Variants in MAN1A1 observed in about 807,000 individuals in gnomAD.
The protein encoded by MAN1A1 is mannosidase alpha class 1A member 1, also known as mannosyl-oligosaccharide 1,2-alpha-mannosidase IA.
MAN1A1 carries 29 observed loss-of-function variants against 70.8 expected under a neutral mutation model. The observed-to-expected ratio is 0.41, with a 90% CI of 0.31 to 0.56. The LOEUF (loss-of-function observed/expected upper bound fraction) is 0.56. MAN1A1 is among the 20% of genes least tolerant of loss of function. MAN1A1 has a pLI of 0.29. For synonymous variants in MAN1A1, 349 were observed against 330.1 expected (o/e 1.06, Z -0.62); for missense variants, 747 against 841.3 (o/e 0.89, Z 1.39).
chr6:119,201,200 C>T, intron 8 of MAN1A1, 54 bp downstream of exon 8: 2 of 1,330,496 alleles, frequency 1.5e-6, no homozygotes, highest in Non-Finnish European at 2.2e-6. Flanking sequence ...CTTCCTCTCT[C>T]TCCACGAGTA....
At chr6:119,180,277 C>G in intron 12 of MAN1A1, 35 bp downstream of exon 12, 1 of 1,445,742 alleles carries the variant, frequency 6.9e-7, no homozygotes, top group East Asian at 2.3e-5. Flanking sequence ...GTTCAGGTAC[C>G]TTAGCCACAT....
At chr6:119,344,906 GAGA>G in intron 2 of MAN1A1, among the ~76,000 whole-genome samples, 1 of 152,226 alleles carries the variant, frequency 6.6e-6, no homozygotes, top group East Asian at 1.9e-4. Flanking sequence ...TTAGAACTGA[GAGA>G]AGAAAACTGT....
At chr6:119,180,452 A>G in intron 11 of MAN1A1, 25 bp from the exon 12 acceptor site, 1 of 1,241,792 alleles carries the variant, frequency 8.1e-7, no homozygotes, top group Non-Finnish European at 1.2e-6. Context: ...AGGAAAAAAA[A>G]AAGTCACATT....
intron 6 of MAN1A1, among the ~76,000 whole-genome samples, chr6:119,241,948 A>ATGTGTG (rs879398838): frequency 3.8e-5 from 1 of 26,328 alleles, no homozygotes; most frequent in African/African-American, 7.3e-5. Flanking sequence ...GTGTGTATGT[A>ATGTGTG]TGTGTGTGTG....
chr6:119,232,371 T>TTA (rs1774706234), intron 6 of MAN1A1, among the ~76,000 whole-genome samples: 1 of 45,004 alleles, frequency 2.2e-5, no homozygotes, highest in Non-Finnish European at 4.8e-5. Context: ...AGACTCTGTC[T>TTA]CAAAAAAAAA....
At chr6:119,232,146 GCGGATCA>G (rs1362514504) in intron 6 of MAN1A1, among the ~76,000 whole-genome samples, 9 of 151,994 alleles carry the variant, frequency 5.9e-5, no homozygotes, top group African/African-American at 2.2e-4. Flanking sequence ...GCCGAGGCAG[GCGGATCA>G]CGAGGTCAGG....
intron 3 of MAN1A1, among the ~76,000 whole-genome samples, chr6:119,306,587 A>T (rs1420374240): frequency 6.6e-6 from 1 of 152,188 alleles, no homozygotes; most frequent in Non-Finnish European, 1.5e-5. Flanking sequence ...TATGCTAGGA[A>T]TCACCCCAGA....
chr6:119,330,756 C>G (rs1389884152), intron 2 of MAN1A1, among the ~76,000 whole-genome samples: 2 of 152,150 alleles, frequency 1.3e-5, no homozygotes, highest in Non-Finnish European at 2.9e-5. Context: ...ACATTCCATT[C>G]CTATCCTGCG....
At chr6:119,330,418 C>T (rs1288390703) in intron 2 of MAN1A1, among the ~76,000 whole-genome samples, 9 of 152,096 alleles carry the variant, frequency 5.9e-5, no homozygotes, top group Non-Finnish European at 1.0e-4. Flanking sequence ...TAAGTGCCCA[C>T]AAAGTTCTAT....
chr6:119,186,325 T>A (rs1307676121), intron 11 of MAN1A1, among the ~76,000 whole-genome samples: 1 of 152,156 alleles, frequency 6.6e-6, no homozygotes, highest in African/African-American at 2.4e-5. Flanking sequence ...TGTTTCAGTT[T>A]GCGTTCCCTT....
chr6:119,260,611 G>A (rs954600244), intron 5 of MAN1A1, among the ~76,000 whole-genome samples: 6 of 152,148 alleles, frequency 3.9e-5, no homozygotes, highest in Non-Finnish European at 8.8e-5. Flanking sequence ...GCTAATCCCT[G>A]AATTTTGCTA....
intron 2 of MAN1A1, among the ~76,000 whole-genome samples, chr6:119,329,245 A>G (rs1245745710): frequency 6.6e-6 from 1 of 152,222 alleles, no homozygotes; most frequent in Admixed American, 6.5e-5. Context: ...GTTTAAACTT[A>G]TTGGCTATGT....
At chr6:119,192,442 T>C (rs1032136545) in intron 9 of MAN1A1, among the ~76,000 whole-genome samples, 3 of 152,168 alleles carry the variant, frequency 2.0e-5, no homozygotes, top group African/African-American at 4.8e-5. Context: ...ACATGTGAAG[T>C]AGTGAAGACT....
chr6:119,188,533 C>G lies in MAN1A1; in HGVS notation c.1591G>C (p.Glu531Gln), dbSNP rs1255638150. 2 of 1,613,740 alleles carry G rather than the reference C, an allele frequency of 1.2e-6. No individual in the cohort carries two copies. Among genetic ancestry groups the G allele is most frequent in the African/African-American group, 1.3e-5 (1 of 74,894 alleles). ...TCATTTTGTCTTGTAGCGATGGCTT[C>G]AACACCACCATCAAATCTGAAAGCT... ...PEAFRFDGGVEAIATRQNEKY... is the reference protein window; with the variant it reads ...PEAFRFDGGVQAIATRQNEKY... Residue 531 changes from glutamate to glutamine, a missense_variant, in exon 11 of 13, where the codon GAA becomes CAA. By Grantham distance (29) the Glu-to-Gln change is conservative. Coordinates refer to ENST00000368468, the MANE Select transcript of MAN1A1 (RefSeq NM_005907.4).
chr6:119,252,724 G>A (rs1341377984), intron 5 of MAN1A1, among the ~76,000 whole-genome samples: 1 of 152,124 alleles, frequency 6.6e-6, no homozygotes, highest in Non-Finnish European at 1.5e-5. Context: ...CCCGGGAGGC[G>A]GCAGTTGCAG....
Position 119,260,536 on chromosome 6 carries a change from AAC to A in MAN1A1, c.898-12184_898-12183del, listed in dbSNP as rs1438228805. The stretch of plus-strand genomic sequence containing the variant: ...CATTCAATTCATTCACTCACTCACT[AAC>A]TATAGCTGTAGGGTCAAAGTAGCCA... On this transcript the variant is annotated intron_variant, in intron 5 of 12. Coordinates refer to ENST00000368468, the MANE Select transcript of MAN1A1 (RefSeq NM_005907.4). 5.9e-3 allele frequency among the ~76,000 whole-genome samples: 897 copies of A among 152,316 alleles called. 8 individuals carry two copies. Among genetic ancestry groups the A allele is most frequent in the African/African-American group, 0.021 (853 of 41,562 alleles).
intron 5 of MAN1A1, among the ~76,000 whole-genome samples, chr6:119,252,886 T>C (rs575770871): frequency 4.6e-5 from 7 of 152,134 alleles, no homozygotes; most frequent in African/African-American, 9.7e-5. Flanking sequence ...TAATGACCAA[T>C]TGAGACCAAC....
intron 4 of MAN1A1, among the ~76,000 whole-genome samples, chr6:119,294,780 A>G (rs1772152843): frequency 6.6e-6 from 1 of 152,126 alleles, no homozygotes. Flanking sequence ...AACCAGATTC[A>G]TCTAAATTGA....
intron 2 of MAN1A1, chr6:119,331,977 T>C (rs562916078): frequency 8.2e-5 from 42 of 509,764 alleles, no homozygotes; most frequent in Non-Finnish European, 1.5e-4. Flanking sequence ...CCTGGGCAAT[T>C]TGCTTGCCCC....
Sources: gnomAD v4.1 joint callset for allele counts (sites outside exome capture counted in the v4.1 genomes callset) on GRCh38, gnomAD v4.1.1 for gene constraint, MANE v1.5 for transcripts, NCBI Gene and HGNC (gene_info 2026-07-23, HGNC 2026-07-21) for gene names.